Variants in BARD1 observed in about 807,000 individuals in gnomAD.
BARD1 encodes the protein BRCA1 associated RING domain 1, also known as BRCA1-associated RING domain protein 1.
A neutral mutation model predicts 77.0 loss-of-function variants in BARD1; 73 were observed. The observed-to-expected ratio is 0.95, with a 90% CI of 0.79 to 1.15. The LOEUF (loss-of-function observed/expected upper bound fraction) is 1.15. BARD1 is among the 50% of genes most tolerant of loss of function. The pLI is 0.00. For missense variants in BARD1, 993 were observed against 938.8 expected, an observed-to-expected ratio of 1.06 and a Z score of -0.75; for synonymous variants, 384 against 338.0, an observed-to-expected ratio of 1.14 and a Z score of -1.49.
intron 3 of BARD1, among the ~76,000 whole-genome samples, chr2:214,787,071 AT>A (rs942202605): frequency 2.5e-4 from 38 of 151,544 alleles, no homozygotes; most frequent in African/African-American, 4.3e-4. Context: ...CTTGTATTTG[AT>A]TTTTTTTTAA....
chr2:214,743,322 A>G (rs1350789682), intron 9 of BARD1, among the ~76,000 whole-genome samples: 1 of 152,246 alleles, frequency 6.6e-6, no homozygotes, highest in Non-Finnish European at 1.5e-5. Flanking sequence ...TAAAACCTTC[A>G]AAGCACAAAG....
intron 6 of BARD1, among the ~76,000 whole-genome samples, chr2:214,754,437 A>G (rs1462148485): frequency 6.6e-6 from 1 of 152,090 alleles, no homozygotes; most frequent in Non-Finnish European, 1.5e-5. Context: ...ATAAAATCTA[A>G]GAGCCCAATC....
intron 9 of BARD1, among the ~76,000 whole-genome samples, chr2:214,744,137 T>G (rs553858218): frequency 6.6e-6 from 1 of 152,108 alleles, no homozygotes; most frequent in East Asian, 1.9e-4. Context: ...TCATTTTAAG[T>G]CCCAAGAGAA....
At chr2:214,800,908 A>C (rs1204658076) in intron 1 of BARD1, among the ~76,000 whole-genome samples, 1 of 152,234 alleles carries the variant, frequency 6.6e-6, no homozygotes, top group East Asian at 1.9e-4. Context: ...TCCACTGTCA[A>C]AGTTAACAGT....
chr2:214,748,360 A>C (rs1415311433), intron 7 of BARD1, among the ~76,000 whole-genome samples: 2 of 152,120 alleles, frequency 1.3e-5, no homozygotes, highest in African/African-American at 4.8e-5. Flanking sequence ...TGAGGCTCAA[A>C]AGAGGTACAA....
intron 4 of BARD1, among the ~76,000 whole-genome samples, chr2:214,775,311 G>A (rs943941813): frequency 2.2e-4 from 33 of 152,124 alleles, no homozygotes; most frequent in African/African-American, 7.5e-4. Flanking sequence ...ACATTGTAGG[G>A]TTGTTAGTTT....
chr2:214,761,405 A>C (rs1470476136), intron 6 of BARD1, among the ~76,000 whole-genome samples: 1 of 152,212 alleles, frequency 6.6e-6, no homozygotes, highest in African/African-American at 2.4e-5. Flanking sequence ...ACTTATAATC[A>C]TAAATGCAAA....
intron 9 of BARD1, among the ~76,000 whole-genome samples, chr2:214,743,940 AAG>A (rs1206983770): frequency 2.6e-5 from 4 of 152,158 alleles, no homozygotes; most frequent in Admixed American, 6.5e-5. Flanking sequence ...CACTAACATC[AAG>A]ATACGCAACT....
chr2:214,738,925 G>A (rs891594570), intron 9 of BARD1, among the ~76,000 whole-genome samples: 13 of 152,008 alleles, frequency 8.6e-5, no homozygotes, highest in African/African-American at 2.7e-4. Context: ...CAGGAAGACC[G>A]CTTGAAACAA....
intron 9 of BARD1, among the ~76,000 whole-genome samples, chr2:214,742,546 C>T (rs895943283): frequency 6.6e-6 from 1 of 152,144 alleles, no homozygotes; most frequent in Non-Finnish European, 1.5e-5. Context: ...GGGATTCCAT[C>T]CATCCTTTAT....
chr2:214,773,545 G>A (rs1265761790), intron 4 of BARD1, among the ~76,000 whole-genome samples: 1 of 152,016 alleles, frequency 6.6e-6, no homozygotes, highest in Non-Finnish European at 1.5e-5. Flanking sequence ...AATAAAACAA[G>A]TCACACGAAT....
chr2:214,739,570 CAGT>C (rs1247948992), intron 9 of BARD1, among the ~76,000 whole-genome samples: 13 of 151,624 alleles, frequency 8.6e-5, no homozygotes, highest in African/African-American at 3.2e-4. Flanking sequence ...AATGAAAAAA[CAGT>C]AGCATACTAT....
Position 214,751,145 on chromosome 2 carries a change from A to T in BARD1, c.1677+1302T>A, listed in dbSNP as rs1163187999. Among the ~76,000 whole-genome samples, 56 of 21,316 alleles carry T rather than the reference A, an allele frequency of 2.6e-3. 2 individuals are homozygous for T. Among genetic ancestry groups the T allele is most frequent in the Non-Finnish European group, 4.2e-3 (42 of 10,020 alleles). 14.0% of individuals were successfully genotyped at this position (21,316 alleles called of 152,430 possible). A position where few individuals can be genotyped will look rare whatever the true frequency, so the allele number is the denominator to read the frequency against. ...TATATATATATATATATATATATAT[A>T]TATATATTTTTTTTTTTTTTTTTTT... On this transcript the variant is annotated intron_variant, in intron 7 of 10. Coordinates refer to ENST00000260947, the MANE Select transcript of BARD1 (RefSeq NM_000465.4).
chr2:214,786,777 A>C (rs574387665), intron 3 of BARD1, among the ~76,000 whole-genome samples: 1 of 151,994 alleles, frequency 6.6e-6, no homozygotes. Flanking sequence ...TCTCCTACAT[A>C]AACTTTTAAA....
At chr2:214,794,714 A>G (rs542360737) in intron 2 of BARD1, among the ~76,000 whole-genome samples, 9 of 152,330 alleles carry the variant, frequency 5.9e-5, no homozygotes, top group Middle Eastern at 3.4e-3. Flanking sequence ...TGTATCTTAG[A>G]GAGTAGATGA....
chr2:214,783,704 G>T (rs1179305670), intron 3 of BARD1, among the ~76,000 whole-genome samples: 1 of 152,066 alleles, frequency 6.6e-6, no homozygotes, highest in African/African-American at 2.4e-5. Flanking sequence ...AAAGCCCTCA[G>T]AAATAATGCC....
intron 2 of BARD1, 102 bp from the exon 3 acceptor site, chr2:214,792,547 C>T (rs566785934): frequency 7.8e-6 from 9 of 1,151,564 alleles, no homozygotes; most frequent in Non-Finnish European, 1.1e-5. Context: ...AGAGGTTATT[C>T]TAACATACAA....
chr2:214,736,623 T>C (rs1277873959), intron 9 of BARD1, among the ~76,000 whole-genome samples: 1 of 152,146 alleles, frequency 6.6e-6, no homozygotes, highest in Non-Finnish European at 1.5e-5. Context: ...CACATTAAAA[T>C]GGCATCTATT....
intron 3 of BARD1, among the ~76,000 whole-genome samples, chr2:214,787,640 T>G (rs1695331431): frequency 6.6e-6 from 1 of 151,958 alleles, no homozygotes; most frequent in African/African-American, 2.4e-5. Flanking sequence ...AATTCCTTAA[T>G]GATAATATTT....
Sources: gnomAD v4.1 joint callset for allele counts (sites outside exome capture counted in the v4.1 genomes callset) on GRCh38, gnomAD v4.1.1 for gene constraint, MANE v1.5 for transcripts, NCBI Gene and HGNC (gene_info 2026-07-23, HGNC 2026-07-21) for gene names.